SUSD4: variants seen among roughly 807,000 people sequenced by gnomAD.
The protein encoded by SUSD4 is sushi domain containing 4.
A neutral mutation model predicts 50.5 loss-of-function variants in SUSD4; 41 were observed. The ratio of observed to expected loss-of-function variants is 0.81; its 90% CI spans 0.63 to 1.05. SUSD4 has a LOEUF of 1.05. SUSD4 is among the 50% of genes least tolerant of loss of function. The pLI is 0.00. For missense variants in SUSD4, 580 were observed against 634.7 expected (o/e 0.91, Z 0.93); for synonymous variants, 257 against 257.3 (o/e 1.00, Z 0.01).
At chr1:223,246,164 G>A (rs1660912961) in intron 5 of SUSD4, among the ~76,000 whole-genome samples, 2 of 152,120 alleles carry the variant, frequency 1.3e-5, no homozygotes, top group African/African-American at 4.8e-5. Flanking sequence ...ACACCCTACA[G>A]GGACGAAAAA....
chr1:223,361,240 A>G (rs907570264), intron 2 of SUSD4, among the ~76,000 whole-genome samples: 1 of 152,218 alleles, frequency 6.6e-6, no homozygotes, highest in African/African-American at 2.4e-5. Context: ...TGAACTCTAT[A>G]GGACATCCCC....
At chr1:223,320,283 T>A (rs1263747303) in intron 2 of SUSD4, among the ~76,000 whole-genome samples, 1 of 152,162 alleles carries the variant, frequency 6.6e-6, no homozygotes, top group African/African-American at 2.4e-5. Flanking sequence ...CAGTGCAGTA[T>A]TTGCCCTGTT....
rs771543576 is a variant in SUSD4 at position 223,264,833 on chromosome 1, A to C, written c.536-15T>G. On this transcript the variant is annotated splice_polypyrimidine_tract_variant and intron_variant, in intron 4 of 8. Transcript: ENST00000366878. ...TCTCAGGCAGCCTGTGGAAGGTGAA[A>C]GAAAAAGGGAAAGATTCCACTCTGT... 1.9e-6 allele frequency: 3 copies of C among 1,609,262 alleles called. No homozygotes were observed. Among genetic ancestry groups the C allele is most frequent in the Non-Finnish European group, 2.5e-6 (3 of 1,177,342 alleles).
intron 2 of SUSD4, among the ~76,000 whole-genome samples, chr1:223,345,226 TC>T (rs1306985107): frequency 1.3e-5 from 2 of 151,892 alleles, no homozygotes; most frequent in Non-Finnish European, 2.9e-5. Flanking sequence ...TTCTCATGGA[TC>T]CCCCCAACCC....
At chr1:223,296,802 T>A (rs1180021687) in intron 2 of SUSD4, among the ~76,000 whole-genome samples, 2 of 152,200 alleles carry the variant, frequency 1.3e-5, no homozygotes, top group Admixed American at 6.5e-5. Flanking sequence ...CTTCTCTCTC[T>A]GCACTTCTCC....
At position 223,227,897 on chromosome 1, in the gene SUSD4, C is replaced by A. The variant is rs1659626931; in HGVS notation, c.917-159G>T. 6.6e-6 allele frequency among the ~76,000 whole-genome samples: 1 copy of A among 152,202 alleles called. No homozygotes were observed. The highest frequency in any genetic ancestry group is 6.5e-5 in the Admixed American group (1 of 15,288). On this transcript the variant is annotated intron_variant, in intron 6 of 8. Coordinates refer to ENST00000366878, the MANE Select transcript of SUSD4 (RefSeq NM_017982.4). The surrounding 1 kb of genome is among the most constrained non-coding windows in gnomAD (Gnocchi z 4.5). ...GCAGAGATACCATGTGCCCCTGTAG[C>A]TCATGTAAATTGCATCAGGATCCAC...
At chr1:223,290,015 T>C (rs1267245501) in intron 3 of SUSD4, among the ~76,000 whole-genome samples, 3 of 152,250 alleles carry the variant, frequency 2.0e-5, no homozygotes, top group Non-Finnish European at 2.9e-5. Context: ...ACTCATCTTA[T>C]AGAATTGTTG....
intron 2 of SUSD4, among the ~76,000 whole-genome samples, chr1:223,361,610 C>G (rs998604122): frequency 1.3e-5 from 2 of 152,070 alleles, no homozygotes; most frequent in Admixed American, 6.6e-5. Context: ...TAAACACGAC[C>G]AAGCAGAACC....
chr1:223,270,260 G>A (rs941968491), intron 3 of SUSD4, among the ~76,000 whole-genome samples: 2 of 152,142 alleles, frequency 1.3e-5, no homozygotes, highest in African/African-American at 4.8e-5. Flanking sequence ...ATCACCGTTA[G>A]CTTGAGAGCA....
intron 2 of SUSD4, among the ~76,000 whole-genome samples, chr1:223,302,304 G>T (rs1011158404): frequency 7.9e-5 from 12 of 152,148 alleles, no homozygotes; most frequent in African/African-American, 2.9e-4. Flanking sequence ...TGTCTTTATA[G>T]CAGTGTGAGA....
At chr1:223,268,829 T>C (rs531211890) in intron 3 of SUSD4, among the ~76,000 whole-genome samples, 154 bp from the exon 4 acceptor site, 2 of 152,246 alleles carry the variant, frequency 1.3e-5, no homozygotes, top group Non-Finnish European at 2.9e-5. Context: ...CAGGTGCCAA[T>C]GACGAGCAGA....
chr1:223,352,782 G>A (rs1382273874), intron 2 of SUSD4, among the ~76,000 whole-genome samples: 1 of 152,152 alleles, frequency 6.6e-6, no homozygotes, highest in Non-Finnish European at 1.5e-5. Flanking sequence ...CACTTAGTGA[G>A]TCACTGGATT....
chr1:223,341,065 T>C (rs1667729145), intron 2 of SUSD4, among the ~76,000 whole-genome samples: 1 of 152,256 alleles, frequency 6.6e-6, no homozygotes, highest in Non-Finnish European at 1.5e-5. Context: ...AAACAGATAC[T>C]GTAATAATCT....
chr1:223,291,953 C>A (rs113532219), intron 3 of SUSD4, among the ~76,000 whole-genome samples: 2 of 152,180 alleles, frequency 1.3e-5, no homozygotes, highest in Admixed American at 6.5e-5. Context: ...ATGTCTACCT[C>A]GTTAATCTGT....
intron 2 of SUSD4, among the ~76,000 whole-genome samples, chr1:223,316,199 C>A (rs1572044031): frequency 6.6e-6 from 1 of 151,884 alleles, no homozygotes; most frequent in East Asian, 2.0e-4. Context: ...ATCTTAAGCA[C>A]CCAAAAAAGG....
intron 2 of SUSD4, among the ~76,000 whole-genome samples, chr1:223,295,859 G>A (rs1664788153): frequency 6.6e-6 from 1 of 151,322 alleles, no homozygotes; most frequent in African/African-American, 2.4e-5. Context: ...AAAAAAGACT[G>A]AGAGGTTTGA....
chr1:223,297,150 G>T (rs1451245571), intron 2 of SUSD4, among the ~76,000 whole-genome samples: 1 of 152,164 alleles, frequency 6.6e-6, no homozygotes, highest in African/African-American at 2.4e-5. Context: ...GAGAACACTG[G>T]GACCACTGCC....
chr1:223,308,800 C>T (rs1292253985), intron 2 of SUSD4, among the ~76,000 whole-genome samples: 1 of 152,084 alleles, frequency 6.6e-6, no homozygotes, highest in African/African-American at 2.4e-5. Context: ...GGCAGCAAAA[C>T]AATCCTCTGA....
At chr1:223,289,810 G>T (rs1026468399) in intron 3 of SUSD4, among the ~76,000 whole-genome samples, 6 of 152,178 alleles carry the variant, frequency 3.9e-5, no homozygotes, top group Non-Finnish European at 5.9e-5. Context: ...GTCATTTGTT[G>T]TAACAAGGTG....
Sources: gnomAD v4.1 joint callset for allele counts (sites outside exome capture counted in the v4.1 genomes callset) on GRCh38, gnomAD v4.1.1 for gene constraint, Gnocchi (gnomAD v3.1) non-coding constraint, MANE v1.5 for transcripts, NCBI Gene and HGNC (gene_info 2026-07-23, HGNC 2026-07-21) for gene names.